Variants in UVRAG observed in about 807,000 individuals in gnomAD.
UVRAG encodes the protein UV radiation resistance associated.
Under a neutral mutation model 78.0 loss-of-function variants are expected in UVRAG, and 19 were observed. The ratio of observed to expected loss-of-function variants is 0.24; its 90% confidence interval spans 0.17 to 0.36. The LOEUF is 0.36. Ranked by LOEUF, UVRAG falls within the 10% of genes least tolerant of loss-of-function variation. UVRAG has a pLI of 1.00. For missense variants in UVRAG, 740 were observed against 853.8 expected (o/e 0.87, Z 1.66); for synonymous variants, 323 against 324.6 (o/e 1.00, Z 0.05).
intron 6 of UVRAG, among the ~76,000 whole-genome samples, chr11:75,938,535 G>A (rs929268780): frequency 2.0e-5 from 3 of 151,916 alleles, no homozygotes; most frequent in Non-Finnish European, 2.9e-5. Context: ...TTGCTTTTAC[G>A]CTTCCTCAGC....
At chr11:75,828,756 TATATATATATATATATATACACAC>T (rs1945582938) in intron 1 of UVRAG, among the ~76,000 whole-genome samples, 1 of 86,034 alleles carries the variant, frequency 1.2e-5, no homozygotes, top group Non-Finnish European at 2.2e-5. Context: ...TACACACACA[TATATATATATATATATATACACAC>T]ATATATATAT....
chr11:75,915,480 A>G (rs1947829819), intron 6 of UVRAG, among the ~76,000 whole-genome samples: 1 of 152,218 alleles, frequency 6.6e-6, no homozygotes, highest in Admixed American at 6.5e-5. Flanking sequence ...GTTTTCAGGT[A>G]AAAGTAGACA....
At chr11:75,846,873 T>C (rs117777635) in intron 1 of UVRAG, among the ~76,000 whole-genome samples, 6,320 of 152,030 alleles carry the variant, frequency 0.042, 190 homozygotes, top group Non-Finnish European at 0.059. Context: ...GCATAGGCTA[T>C]AGTGCAGTGA....
chr11:76,063,343 C>A lies in UVRAG; in HGVS notation c.1227-2367C>A, dbSNP rs538057090. On this transcript the variant is annotated intron_variant, in intron 12 of 14. Coordinates refer to ENST00000356136, the MANE Select transcript of UVRAG (RefSeq NM_003369.4). ...GCCAGTTTGATAGTTCACAATGATA[C>A]AAGTATTTACAGTAGATAAAGGTGG... Among the ~76,000 whole-genome samples, 6 of 152,266 alleles carry A rather than the reference C, an allele frequency of 3.9e-5. No homozygotes were observed. In the East Asian group the frequency reaches 1.2e-3, roughly 29 times the overall value.
chr11:75,973,102 C>A (rs899247641), intron 7 of UVRAG, among the ~76,000 whole-genome samples: 14 of 152,132 alleles, frequency 9.2e-5, no homozygotes, highest in Non-Finnish European at 5.9e-5. Flanking sequence ...AAGGGGATAT[C>A]CTTGTCATGT....
chr11:76,132,883 CA>C (rs1161804383), intron 14 of UVRAG, among the ~76,000 whole-genome samples: 1 of 152,116 alleles, frequency 6.6e-6, no homozygotes, highest in African/African-American at 2.4e-5. Context: ...TTGGTGACAA[CA>C]AAAAACTTAA....
chr11:75,980,663 C>T (rs1312935495), intron 7 of UVRAG, among the ~76,000 whole-genome samples: 4 of 150,038 alleles, frequency 2.7e-5, no homozygotes, highest in Admixed American at 6.6e-5. Context: ...CTCTTTTTTC[C>T]TTGAAGAGTC....
chr11:75,917,594 G>A (rs1329115223), intron 6 of UVRAG, among the ~76,000 whole-genome samples: 1 of 152,080 alleles, frequency 6.6e-6, no homozygotes, highest in East Asian at 1.9e-4. Context: ...TTTCCAGTCT[G>A]CATTTTCCAA....
intron 11 of UVRAG, among the ~76,000 whole-genome samples, chr11:76,013,365 C>T (rs1950090028): frequency 6.6e-6 from 1 of 152,104 alleles, no homozygotes; most frequent in African/African-American, 2.4e-5. Context: ...TTGGAATTAG[C>T]ATCTTTTTCA....
intron 1 of UVRAG, among the ~76,000 whole-genome samples, chr11:75,819,284 T>A (rs187441471): frequency 6.6e-4 from 100 of 152,346 alleles, no homozygotes; most frequent in Non-Finnish European, 9.6e-4. Context: ...TTTGCTTCTA[T>A]GTGATCTTAC....
intron 1 of UVRAG, chr11:75,837,448 A>G (rs989518461): frequency 6.6e-6 from 1 of 152,150 alleles, no homozygotes; most frequent in Non-Finnish European, 1.5e-5. Context: ...GATTACTTAT[A>G]ATATCTAATG....
At chr11:75,969,973 TTTAA>T (rs1199912831) in intron 7 of UVRAG, among the ~76,000 whole-genome samples, 9 of 152,220 alleles carry the variant, frequency 5.9e-5, no homozygotes, top group African/African-American at 2.2e-4. Flanking sequence ...TAGTTACAAT[TTTAA>T]TTGTTTACTT....
intron 1 of UVRAG, among the ~76,000 whole-genome samples, chr11:75,826,940 C>T (rs1356871144): frequency 1.3e-5 from 2 of 152,168 alleles, no homozygotes; most frequent in East Asian, 3.8e-4. Flanking sequence ...AGTTGAGCAT[C>T]AGAACTTACC....
chr11:76,090,905 A>C (rs987106252), intron 13 of UVRAG, among the ~76,000 whole-genome samples: 2 of 152,188 alleles, frequency 1.3e-5, no homozygotes, highest in Non-Finnish European at 1.5e-5. Flanking sequence ...ATTGTTTTCT[A>C]TGGCTTTACC....
At chr11:75,868,284 G>A (rs1946578151) in intron 3 of UVRAG, among the ~76,000 whole-genome samples, 1 of 152,214 alleles carries the variant, frequency 6.6e-6, no homozygotes, top group African/African-American at 2.4e-5. Context: ...GAGTGTACTT[G>A]AGGTGTTCAA....
intron 6 of UVRAG, among the ~76,000 whole-genome samples, chr11:75,955,745 C>T (rs1273273753): frequency 2.0e-5 from 3 of 152,040 alleles, no homozygotes; most frequent in East Asian, 3.9e-4. Context: ...AAAAATTAGT[C>T]GGACCCAGTT....
chr11:75,931,442 G>A (rs537414683), intron 6 of UVRAG, among the ~76,000 whole-genome samples: 1 of 152,234 alleles, frequency 6.6e-6, no homozygotes, highest in African/African-American at 2.4e-5. Flanking sequence ...AAACTTCCTG[G>A]AGAAAGTGAT....
At chr11:75,893,873 A>G (rs1947280185) in intron 5 of UVRAG, among the ~76,000 whole-genome samples, 2 of 151,690 alleles carry the variant, frequency 1.3e-5, no homozygotes, top group Non-Finnish European at 2.9e-5. Flanking sequence ...TGATTGAGAC[A>G]GAGTCTCACT....
At chr11:75,826,677 T>A (rs1220071975) in intron 1 of UVRAG, among the ~76,000 whole-genome samples, 3 of 151,252 alleles carry the variant, frequency 2.0e-5, no homozygotes, top group Non-Finnish European at 2.9e-5. Context: ...TGTCCCTGGG[T>A]ACTTACCATG....
Sources: allele counts gnomAD v4.1 joint callset (sites outside exome capture counted in the v4.1 genomes callset), GRCh38; gene constraint gnomAD v4.1.1; transcripts MANE v1.5; gene names NCBI Gene and HGNC (gene_info 2026-07-23, HGNC 2026-07-21).